Variants in PCLO observed in about 807,000 individuals in gnomAD.
PCLO encodes piccolo presynaptic cytomatrix protein.
Under a neutral mutation model 427.5 loss-of-function variants are expected in PCLO, and 82 were observed. The observed-to-expected ratio is 0.19, with a 90% CI of 0.16 to 0.23. The LOEUF (loss-of-function observed/expected upper bound fraction) is 0.23, where lower values mean the gene tolerates loss of function less well. PCLO is among the 10% of genes least tolerant of loss of function. The probability of loss-of-function intolerance (pLI) is 1.00; values close to 1 mark genes in which losing one functional copy is unlikely to be tolerated. For synonymous variants in PCLO, 2,357 were observed against 2,155.4 expected (o/e 1.09, Z -2.59); for missense variants, 6,239 against 6,115.9 (o/e 1.02, Z -0.67).
Position 82,955,510 on chromosome 7 carries a change from G to C in PCLO, c.5443C>G (p.Arg1815Gly), listed in dbSNP as rs778669306. 100 of 1,613,684 alleles carry C rather than the reference G, an allele frequency of 6.2e-5. No homozygotes were observed. The highest frequency in any genetic ancestry group is 8.1e-5 in the Non-Finnish European group (96 of 1,179,848). The change falls in exon 5 of 25, where the codon CGA (arginine) becomes GGA (glycine). Residue 1815 changes from arginine to glycine, a missense_variant. Arg to Gly is a moderately radical substitution (Grantham distance 125). Around this residue, in one of 5 missense-constraint regions of PCLO, gnomAD observed 4,677 missense variants for 4,468.4 expected, o/e 1.05. Transcript: ENST00000333891. ...GGCCTTTCCCTTCTTCTCTGAGCTC[G>C]AAGTTCATCTTTGTCTTTCTTTGAT... ...KKSKKDKDEL[R>G]AQRRRERPKT...
chr7:83,044,274 C>A (rs746514633), intron 3 of PCLO, among the ~76,000 whole-genome samples: 2 of 152,018 alleles, frequency 1.3e-5, no homozygotes, highest in Non-Finnish European at 2.9e-5. Context: ...CCACACATGG[C>A]GATTACAATT....
intron 14 of PCLO, among the ~76,000 whole-genome samples, chr7:82,840,998 G>T (rs1792352852): frequency 6.7e-6 from 1 of 150,068 alleles, no homozygotes; most frequent in African/African-American, 2.4e-5. Flanking sequence ...TTTTCCTGAT[G>T]AAAATTAATT....
intron 22 of PCLO, among the ~76,000 whole-genome samples, chr7:82,792,599 A>T (rs34961881): frequency 0.3 from 44,918 of 151,898 alleles, 8,290 homozygotes; most frequent in East Asian, 0.55. Context: ...AAGTGCTGGG[A>T]TTACAGGGTG....
At chr7:83,148,861 T>A (rs1484517866) in intron 2 of PCLO, among the ~76,000 whole-genome samples, 1 of 152,236 alleles carries the variant, frequency 6.6e-6, no homozygotes, top group Non-Finnish European at 1.5e-5. Flanking sequence ...TAGACAGTTC[T>A]GCTTCCCCAT....
chr7:83,007,957 A>T (rs908315584), intron 3 of PCLO, among the ~76,000 whole-genome samples: 2 of 151,666 alleles, frequency 1.3e-5, no homozygotes, highest in African/African-American at 4.8e-5. Flanking sequence ...TACATGTGTG[A>T]GGAAAAATAC....
chr7:83,054,690 T>C (rs946052489), intron 3 of PCLO, among the ~76,000 whole-genome samples: 1 of 151,966 alleles, frequency 6.6e-6, no homozygotes, highest in Non-Finnish European at 1.5e-5. Context: ...ACCATCAGCA[T>C]AAAATCAGAG....
intron 3 of PCLO, among the ~76,000 whole-genome samples, chr7:83,081,083 T>G (rs962368332): frequency 6.6e-6 from 1 of 152,030 alleles, no homozygotes; most frequent in Non-Finnish European, 1.5e-5. Flanking sequence ...GGTGGACTAC[T>G]GTATTATATT....
At chr7:82,929,703 C>T (rs747247934) in intron 6 of PCLO, among the ~76,000 whole-genome samples, 1 of 152,052 alleles carries the variant, frequency 6.6e-6, no homozygotes, top group Non-Finnish European at 1.5e-5. Flanking sequence ...TCCTTGTTTT[C>T]TAAATATGTA....
intron 1 of PCLO, among the ~76,000 whole-genome samples, chr7:83,161,892 G>T (rs1290910629): frequency 6.6e-6 from 1 of 152,174 alleles, no homozygotes; most frequent in Non-Finnish European, 1.5e-5. Flanking sequence ...CCTACAAGGG[G>T]ATTAAAGTTA....
chr7:82,823,808 GAC>G (rs1791859066), intron 19 of PCLO, among the ~76,000 whole-genome samples: 1 of 152,092 alleles, frequency 6.6e-6, no homozygotes. Flanking sequence ...TATTGGGTAA[GAC>G]AATATTTATG....
Position 83,125,384 on chromosome 7 carries a change from G to A in PCLO, c.3300+8866C>T, listed in dbSNP as rs1791411956. Among the ~76,000 whole-genome samples, 3 of 152,200 alleles carry A rather than the reference G, an allele frequency of 2.0e-5. No homozygotes were observed. In the South Asian group the frequency reaches 6.2e-4, roughly 32 times the overall value. ...TCTGCCCGGCCACCACCCCATCTGGGAGGTGGACCCAACAGCTCATTGAGA... is the reference window on the plus strand; with the variant it reads ...TCTGCCCGGCCACCACCCCATCTGGAAGGTGGACCCAACAGCTCATTGAGA... On this transcript the variant is annotated intron_variant, in intron 3 of 24. Transcript: ENST00000333891.
intron 16 of PCLO, among the ~76,000 whole-genome samples, chr7:82,829,224 G>A (rs1203021129): frequency 6.6e-6 from 1 of 152,066 alleles, no homozygotes; most frequent in Non-Finnish European, 1.5e-5. Flanking sequence ...CAGATACAAG[G>A]GAAATAACGC....
At chr7:83,047,360 C>T (rs1301208576) in intron 3 of PCLO, among the ~76,000 whole-genome samples, 5 of 151,958 alleles carry the variant, frequency 3.3e-5, no homozygotes, top group Admixed American at 3.3e-4. Context: ...GGGAGTATCA[C>T]ACATAGTTTA....
Position 82,949,469 on chromosome 7 carries a change from C to A in PCLO, c.11112+7G>T. ...ATTGCCTTCCAACTGAAAAGAATCA[C>A]TCTTACCGTATAGCCCTCGGTATAC... On this transcript the variant is annotated splice_region_variant and intron_variant, in intron 6 of 24. Transcript: ENST00000333891. 2.6e-6 allele frequency: 4 copies of A among 1,563,104 alleles called. No individual in the cohort carries two copies. Among genetic ancestry groups the A allele is most frequent in the Non-Finnish European group, 2.6e-6 (3 of 1,156,582 alleles).
At chr7:82,862,384 A>T (rs1183812049) in intron 10 of PCLO, among the ~76,000 whole-genome samples, 2 of 151,938 alleles carry the variant, frequency 1.3e-5, no homozygotes, top group Non-Finnish European at 2.9e-5. Context: ...TATGCAGAAG[A>T]GTTTGGAGGT....
intron 22 of PCLO, among the ~76,000 whole-genome samples, chr7:82,780,557 G>GT (rs1231787521): frequency 7.9e-5 from 12 of 152,114 alleles, no homozygotes; most frequent in African/African-American, 2.9e-4. Flanking sequence ...TTGTTTGTTT[G>GT]TTTTGTTTTG....
chr7:83,133,979 T>C (rs1584068339), intron 3 of PCLO, among the ~76,000 whole-genome samples: 1 of 151,808 alleles, frequency 6.6e-6, no homozygotes, highest in East Asian at 1.9e-4. Flanking sequence ...GATTGGCTCA[T>C]TGTTATATTA....
intron 2 of PCLO, among the ~76,000 whole-genome samples, chr7:83,136,643 T>C (rs539614306): frequency 6.6e-6 from 1 of 152,218 alleles, no homozygotes; most frequent in South Asian, 2.1e-4. Context: ...AATAGCATGA[T>C]TTAACAGGGA....
intron 3 of PCLO, among the ~76,000 whole-genome samples, chr7:83,005,366 T>C (rs1231995184): frequency 6.6e-6 from 1 of 151,456 alleles, no homozygotes; most frequent in African/African-American, 2.4e-5. Flanking sequence ...TCTAAAGAAG[T>C]CGAACTCACA....
Sources: allele counts gnomAD v4.1 joint callset (sites outside exome capture counted in the v4.1 genomes callset), GRCh38; gene constraint gnomAD v4.1.1; regional missense constraint gnomAD v4.1.1; transcripts MANE v1.5; gene names NCBI Gene and HGNC (gene_info 2026-07-23, HGNC 2026-07-21).